Variants in LRRTM4 observed in about 807,000 individuals in gnomAD.
LRRTM4 encodes leucine-rich repeat transmembrane neuronal protein 4.
In LRRTM4, 25 loss-of-function variants were observed where a neutral mutation model predicts 47.6. The ratio of observed to expected loss-of-function variants is 0.53; its 90% CI spans 0.38 to 0.73. The LOEUF is 0.73. LRRTM4 is among the 30% of genes least tolerant of loss of function. The pLI, the probability that LRRTM4 is intolerant of heterozygous loss-of-function variation, is 0.00. For missense variants in LRRTM4, 638 were observed against 713.4 expected, an observed-to-expected ratio of 0.89 and a Z score of 1.20; for synonymous variants, 311 against 269.5, an observed-to-expected ratio of 1.15 and a Z score of -1.51.
At chr2:77,140,999 T>C (rs961248315) in intron 3 of LRRTM4, among the ~76,000 whole-genome samples, 6 of 152,046 alleles carry the variant, frequency 3.9e-5, no homozygotes, top group Admixed American at 2.0e-4. Flanking sequence ...TGTGGAGAAA[T>C]AGGAACAGTT....
At chr2:77,509,902 C>T (rs967331350) in intron 3 of LRRTM4, among the ~76,000 whole-genome samples, 1 of 152,110 alleles carries the variant, frequency 6.6e-6, no homozygotes, top group Non-Finnish European at 1.5e-5. Flanking sequence ...AACCACTGGA[C>T]CAAGGCAGTA....
chr2:77,321,569 A>G (rs1172588537), intron 3 of LRRTM4, among the ~76,000 whole-genome samples: 3 of 109,758 alleles, frequency 2.7e-5, no homozygotes, highest in Non-Finnish European at 5.0e-5. Flanking sequence ...GGGGTGTGTG[A>G]AAGAAAAGAA....
intron 3 of LRRTM4, among the ~76,000 whole-genome samples, chr2:77,089,634 T>A: frequency 6.6e-6 from 1 of 152,040 alleles, no homozygotes. Flanking sequence ...TCCTTCACTA[T>A]GGGAACCTTC....
chr2:77,346,118 A>G (rs1043206695), intron 3 of LRRTM4, among the ~76,000 whole-genome samples: 1 of 152,074 alleles, frequency 6.6e-6, no homozygotes, highest in Non-Finnish European at 1.5e-5. Flanking sequence ...AAAAGTTTGC[A>G]TAATGTATGA....
intron 3 of LRRTM4, among the ~76,000 whole-genome samples, chr2:77,113,812 T>C (rs1671315835): frequency 6.6e-6 from 1 of 151,872 alleles, no homozygotes; most frequent in Non-Finnish European, 1.5e-5. Flanking sequence ...GAATTATAGG[T>C]GAATTGTAGT....
chr2:76,940,744 G>A (rs1675110236), intron 3 of LRRTM4, among the ~76,000 whole-genome samples: 2 of 152,210 alleles, frequency 1.3e-5, no homozygotes, highest in African/African-American at 2.4e-5. Context: ...TTCTGAAAGT[G>A]AGTGTGTGGA....
chr2:76,797,972 C>T (rs528465901), intron 3 of LRRTM4, among the ~76,000 whole-genome samples: 1 of 148,452 alleles, frequency 6.7e-6, no homozygotes, highest in South Asian at 2.1e-4. Context: ...AAAGCAAGTC[C>T]TGAGTGACCT....
intron 3 of LRRTM4, among the ~76,000 whole-genome samples, chr2:77,037,051 G>C (rs1039938919): frequency 6.6e-6 from 1 of 151,582 alleles, no homozygotes; most frequent in Non-Finnish European, 1.5e-5. Context: ...TCAAAGGGAT[G>C]GAACTGTAGA....
At chr2:76,809,243 T>C (rs984632125) in intron 3 of LRRTM4, among the ~76,000 whole-genome samples, 2 of 152,182 alleles carry the variant, frequency 1.3e-5, no homozygotes, top group African/African-American at 4.8e-5. Flanking sequence ...TGCAATCCTA[T>C]TGTACATTTT....
intron 3 of LRRTM4, among the ~76,000 whole-genome samples, chr2:76,810,926 A>G (rs550523874): frequency 8.3e-4 from 127 of 152,340 alleles, no homozygotes; most frequent in African/African-American, 2.9e-3. Context: ...GAGAAATACC[A>G]TACTATTCAA....
At chr2:77,169,058 G>T (rs1391818720) in intron 3 of LRRTM4, among the ~76,000 whole-genome samples, 2 of 151,996 alleles carry the variant, frequency 1.3e-5, no homozygotes, top group Non-Finnish European at 1.5e-5. Context: ...TGAAAAAGTA[G>T]GCATAGAAGA....
At chr2:77,286,979 A>G (rs868768347) in intron 3 of LRRTM4, among the ~76,000 whole-genome samples, 53 of 152,042 alleles carry the variant, frequency 3.5e-4, no homozygotes, top group African/African-American at 9.2e-4. Flanking sequence ...GGAGAGTACA[A>G]TTGCTTTTTT....
At chr2:76,782,494 A>C (rs910571330) in intron 3 of LRRTM4, among the ~76,000 whole-genome samples, 20 of 152,232 alleles carry the variant, frequency 1.3e-4, no homozygotes, top group Admixed American at 3.3e-4. Flanking sequence ...GCTCACTGCA[A>C]TAGCAACAGG....
intron 3 of LRRTM4, among the ~76,000 whole-genome samples, chr2:77,325,827 G>A (rs1346643439): frequency 6.6e-6 from 1 of 152,114 alleles, no homozygotes; most frequent in African/African-American, 2.4e-5. Flanking sequence ...AAACCATTAT[G>A]GATCATTTTT....
intron 3 of LRRTM4, among the ~76,000 whole-genome samples, chr2:77,059,086 C>T (rs368536184): frequency 2.1e-4 from 32 of 152,084 alleles, no homozygotes; most frequent in African/African-American, 6.3e-4. Context: ...CTTTGTCAGT[C>T]TCCTTTGTTA....
intron 3 of LRRTM4, among the ~76,000 whole-genome samples, chr2:77,479,363 T>C (rs1677561148): frequency 6.6e-6 from 1 of 152,218 alleles, no homozygotes; most frequent in Non-Finnish European, 1.5e-5. Context: ...GGAAGTCTGA[T>C]ACTTCAGAAA....
At chr2:77,476,752 T>G (rs1573465855) in intron 3 of LRRTM4, among the ~76,000 whole-genome samples, 1 of 152,236 alleles carries the variant, frequency 6.6e-6, no homozygotes, top group South Asian at 2.1e-4. Flanking sequence ...ATTAATAGTC[T>G]AAATGAACAA....
intron 3 of LRRTM4, among the ~76,000 whole-genome samples, chr2:76,915,957 T>C (rs1272562017): frequency 1.3e-5 from 2 of 152,146 alleles, no homozygotes. Flanking sequence ...AAAAGGCAGT[T>C]TGTTAGTGAG....
chr2:77,178,285 A>G (rs1208647796), intron 3 of LRRTM4, among the ~76,000 whole-genome samples: 1 of 152,168 alleles, frequency 6.6e-6, no homozygotes, highest in African/African-American at 2.4e-5. Context: ...AATTCTGGGT[A>G]TACATTTAAA....
Sources: allele counts gnomAD v4.1 joint callset (sites outside exome capture counted in the v4.1 genomes callset), GRCh38; gene constraint gnomAD v4.1.1; transcripts MANE v1.5; gene names NCBI Gene and HGNC (gene_info 2026-07-23, HGNC 2026-07-21).